Variants in CHFR observed in about 807,000 individuals in gnomAD.
CHFR encodes the protein E3 ubiquitin-protein ligase CHFR.
In CHFR, 57 loss-of-function variants were observed where a neutral mutation model predicts 87.6. That is an observed-to-expected ratio of 0.65 (90% CI 0.53 to 0.81). The LOEUF (loss-of-function observed/expected upper bound fraction) is 0.81, where lower values mean the gene tolerates loss of function less well. Ranked by LOEUF, CHFR falls within the 30% of genes least tolerant of loss-of-function variation. CHFR has a pLI of 0.00. For synonymous variants in CHFR, 381 were observed against 359.2 expected (o/e 1.06, Z -0.69); for missense variants, 797 against 865.8 (o/e 0.92, Z 1.00).
At chr12:132,846,612 G>A (rs1950834702) in intron 15 of CHFR, among the ~76,000 whole-genome samples, 2 of 151,922 alleles carry the variant, frequency 1.3e-5, no homozygotes, top group African/African-American at 2.4e-5. Context: ...CGGGCATAGT[G>A]GCTCACGCCT....
At chr12:132,881,553 C>G (rs1006541182) in intron 2 of CHFR, among the ~76,000 whole-genome samples, 9 of 152,222 alleles carry the variant, frequency 5.9e-5, no homozygotes, top group African/African-American at 1.9e-4. Flanking sequence ...CCACTACACA[C>G]CAAATAAGAA....
At chr12:132,872,091 G>A (rs1002269078) in intron 4 of CHFR, 194 bp downstream of exon 4, 1 of 524,034 alleles carries the variant, frequency 1.9e-6, no homozygotes, top group Non-Finnish European at 3.4e-6. Flanking sequence ...AGGAATGGCT[G>A]GGCTCAGGCT....
At chr12:132,873,519 TTCTGTGTCCTCCTGCTCC>T (rs1951541625) in intron 3 of CHFR, among the ~76,000 whole-genome samples, 1 of 152,116 alleles carries the variant, frequency 6.6e-6, no homozygotes, top group Non-Finnish European at 1.5e-5. Flanking sequence ...TGGACTGACT[TTCTGTGTCCTCCTGCTCC>T]ACAGGGCTGG....
At chr12:132,849,413 A>AGG (rs1950893191) in intron 12 of CHFR, 1 of 152,048 alleles carries the variant, frequency 6.6e-6, no homozygotes, top group Non-Finnish European at 1.5e-5. Context: ...GGCGTGATGC[A>AGG]CTGCACCCGG....
At chr12:132,882,395 C>A (rs987088430) in intron 2 of CHFR, among the ~76,000 whole-genome samples, 1 of 152,202 alleles carries the variant, frequency 6.6e-6, no homozygotes, top group African/African-American at 2.4e-5. Flanking sequence ...GGGTGACGAA[C>A]ATGTTCTACA....
rs1951212487 is a variant in CHFR, at chr12:132,861,654, A to G, written c.584-20T>C. The G allele has an allele frequency of 7.4e-6, 12 of 1,612,188 alleles. No individual in the cohort carries two copies. Among genetic ancestry groups the G allele is most frequent in the Non-Finnish European group, 1.0e-5 (12 of 1,178,744 alleles). On this transcript the variant is annotated intron_variant, in intron 6 of 17. Transcript: ENST00000450056. ...CAGACCCTGTGAGAGGAATCAAACAAGATAGGTGCTGATCCATCCAGCTCA... is the reference window on the plus strand; with the variant it reads ...CAGACCCTGTGAGAGGAATCAAACAGGATAGGTGCTGATCCATCCAGCTCA...
At chr12:132,882,396 A>G (rs1414045683) in intron 2 of CHFR, among the ~76,000 whole-genome samples, 4 of 152,236 alleles carry the variant, frequency 2.6e-5, no homozygotes, top group Non-Finnish European at 4.4e-5. Flanking sequence ...GGTGACGAAC[A>G]TGTTCTACAT....
At chr12:132,851,400 G>A (rs565784543) in intron 12 of CHFR, among the ~76,000 whole-genome samples, 2 of 152,246 alleles carry the variant, frequency 1.3e-5, no homozygotes, top group South Asian at 2.1e-4. Flanking sequence ...CCGAGCCCCC[G>A]GTGGATGGAG....
chr12:132,840,652 C>A lies in CHFR; in HGVS notation c.*902G>T, dbSNP rs1468017193. The A allele has an allele frequency of 1.3e-5, 2 of 152,688 alleles. No individual in the cohort carries two copies. Among genetic ancestry groups the A allele is most frequent in the Non-Finnish European group, 2.9e-5 (2 of 68,074 alleles). 9.5% of individuals were successfully genotyped at this position (152,688 alleles called of 1,614,324 possible). A position where few individuals can be genotyped will look rare whatever the true frequency, so the allele number is the denominator to read the frequency against. Reference sequence around the variant, plus strand: ...CTCTGTAGGGTCTTGGAGGAAGGGCCCGGGCAGCATGAGGGAGCGGCGCGT... The same window carrying A: ...CTCTGTAGGGTCTTGGAGGAAGGGCACGGGCAGCATGAGGGAGCGGCGCGT... On this transcript the variant is annotated 3_prime_UTR_variant, in exon 18 of 18. Transcript: ENST00000450056.
intron 2 of CHFR, among the ~76,000 whole-genome samples, chr12:132,879,736 T>C (rs1002517330): frequency 6.6e-6 from 1 of 152,148 alleles, no homozygotes; most frequent in African/African-American, 2.4e-5. Flanking sequence ...TGCCCTCTCC[T>C]TAAATCAAAA....
intron 13 of CHFR, 122 bp from the exon 14 acceptor site, chr12:132,848,277 C>T: frequency 2.0e-6 from 3 of 1,536,126 alleles, no homozygotes; most frequent in Non-Finnish European, 2.6e-6. Flanking sequence ...ATAAGAAGTT[C>T]AATGATAAAA....
chr12:132,869,582 G>A, intron 6 of CHFR, 37 bp downstream of exon 6: 2 of 1,537,074 alleles, frequency 1.3e-6, no homozygotes, highest in South Asian at 2.4e-5. Flanking sequence ...CAAAAACCAT[G>A]CAACCAGCAC....
chr12:132,856,592 C>A lies in CHFR; in HGVS notation c.1105G>T (p.Ala369Ser). 6.2e-7 allele frequency: 1 copy of A among 1,614,196 alleles called. No individual in the cohort carries two copies. The highest frequency in any genetic ancestry group is 8.5e-7 in the Non-Finnish European group (1 of 1,180,020). The change falls in exon 10 of 18, where the codon GCC becomes TCC. Residue 369 changes from alanine to serine, a missense_variant. Physicochemically the swap from Ala to Ser is moderately conservative, Grantham distance 99. Around this residue, in one of 2 missense-constraint regions of CHFR, gnomAD observed 597 missense variants for 601.2 expected, o/e 0.99. Transcript: ENST00000450056. ...ATGTCTTGAGTGATTTTATTTCTGG[C>A]ATCCATACTTTGCACATCTTCTTCA... ...RSEEDVQSMDARNKITQDMLQ... is the reference protein window; with the variant it reads ...RSEEDVQSMDSRNKITQDMLQ...
At position 132,853,667 on chromosome 12, in the gene CHFR, C is replaced by T. The variant is rs1950998654; in HGVS notation, c.1230-94G>A. On this transcript the variant is annotated intron_variant, in intron 10 of 17. Transcript: ENST00000450056. ...GGTCCGCAGCCATCACAGCTCAGCTCCACCGTCGCTCAGCTGCTTGGTGTG... is the reference window on the plus strand; with the variant it reads ...GGTCCGCAGCCATCACAGCTCAGCTTCACCGTCGCTCAGCTGCTTGGTGTG... The T allele has an allele frequency of 2.8e-5, 39 of 1,378,518 alleles. 1 individual carries two copies. In the South Asian group the frequency reaches 5.5e-4, roughly 19 times the overall value. The allele number at this position is 1,378,518 out of a possible 1,614,324, so 85.4% of individuals were successfully genotyped here.
intron 6 of CHFR, among the ~76,000 whole-genome samples, chr12:132,862,798 T>C (rs1364575119): frequency 1.3e-5 from 2 of 151,686 alleles, no homozygotes; most frequent in East Asian, 2.0e-4. Context: ...GCCAGGATGG[T>C]CTCGATCTCC....
At chr12:132,842,753 T>C (rs1950728049) in intron 17 of CHFR, among the ~76,000 whole-genome samples, 1 of 152,220 alleles carries the variant, frequency 6.6e-6, no homozygotes, top group Non-Finnish European at 1.5e-5. Flanking sequence ...CGGCTAAGCC[T>C]GAAATGATGG....
At chr12:132,878,819 C>CAA (rs1428247842) in intron 2 of CHFR, among the ~76,000 whole-genome samples, 3 of 58,854 alleles carry the variant, frequency 5.1e-5, no homozygotes, top group African/African-American at 1.2e-4. Context: ...GACTCTGTCT[C>CAA]AAAAAAAAAA....
chr12:132,848,923 G>C (rs1950882606), intron 12 of CHFR, 199 bp from the exon 13 acceptor site: 1 of 526,636 alleles, frequency 1.9e-6, no homozygotes, highest in African/African-American at 1.9e-5. Flanking sequence ...TTGTATCCCT[G>C]AAAAAAGGCG....
Position 132,840,864 on chromosome 12 carries a change from C to G in CHFR, c.*690G>C, listed in dbSNP as rs753996875. The stretch of plus-strand genomic sequence containing the variant: ...CGGTCACTCACCGGTTAGCAAGGAG[C>G]GACTAACTTGGCGGCCACGTCGAGG... On this transcript the variant is annotated 3_prime_UTR_variant, in exon 18 of 18. Coordinates refer to ENST00000450056, the MANE Select transcript of CHFR (RefSeq NM_001161346.2). 6.6e-6 allele frequency: 1 copy of G among 152,080 alleles called. No homozygotes were observed. The highest frequency in any genetic ancestry group is 1.5e-5 in the Non-Finnish European group (1 of 67,972). The allele number at this position is 152,080 out of a possible 1,614,324, so 9.4% of individuals were successfully genotyped here. A position where few individuals can be genotyped will look rare whatever the true frequency, so the allele number is the denominator to read the frequency against.
Sources: gnomAD v4.1 joint callset for allele counts (sites outside exome capture counted in the v4.1 genomes callset) on GRCh38, gnomAD v4.1.1 for gene constraint, gnomAD v4.1.1 regional missense constraint, MANE v1.5 for transcripts, NCBI Gene and HGNC (gene_info 2026-07-23, HGNC 2026-07-21) for gene names.